The following MED9 variants were observed in gnomAD, a reference collection of about 807,000 sequenced individuals.
MED9 encodes the protein mediator complex subunit 9.
A neutral mutation model predicts 13.2 loss-of-function variants in MED9; 8 were observed. The ratio of observed to expected loss-of-function variants is 0.61; its 90% CI spans 0.36 to 1.10. The LOEUF (loss-of-function observed/expected upper bound fraction) is 1.10. MED9 is among the 50% of genes least tolerant of loss of function. MED9 has a pLI of 0.02. For missense variants in MED9, 180 were observed against 193.4 expected, an observed-to-expected ratio of 0.93 and a Z score of 0.41; for synonymous variants, 87 against 82.8, an observed-to-expected ratio of 1.05 and a Z score of -0.28.
chr17:17,477,074 G>T lies in MED9; in HGVS notation c.33G>T (p.Gln11His). Residue 11 changes from glutamine (Q) to histidine (H), a missense_variant, in exon 1 of 2, where the codon CAG (glutamine) becomes CAT (histidine). Physicochemically the swap from Gln to His is conservative, Grantham distance 24. Transcript: ENST00000268711. MASAGVAAGR[Q>H]AEDVLPPTSD... ...CTGCTGGGGTGGCAGCCGGGCGACA[G>T]GCGGAGGATGTATTGCCGCCAACGT... The T allele has an allele frequency of 6.2e-7, 1 of 1,607,132 alleles. No homozygotes were observed.
chr17:17,491,682 CG>C lies in MED9; in HGVS notation c.*192del. 1.6e-6 allele frequency: 1 copy of C among 610,012 alleles called. No individual in the cohort carries two copies. The highest frequency in any genetic ancestry group is 2.9e-6 in the Non-Finnish European group (1 of 347,062). The allele number at this position is 610,012 out of a possible 1,614,324, so 37.8% of individuals were successfully genotyped here. ...GAGCCAGCGCAGAGCTTGGCTGCGCCGGGGGTTCCTCGTGTAGATCCATATG... is the reference window on the plus strand; with the variant it reads ...GAGCCAGCGCAGAGCTTGGCTGCGCCGGGGTTCCTCGTGTAGATCCATATG... On this transcript the variant is annotated 3_prime_UTR_variant, in exon 2 of 2. Coordinates refer to ENST00000268711, the MANE Select transcript of MED9 (RefSeq NM_018019.3).
Position 17,492,932 on chromosome 17 carries a change from T to C in MED9, c.*1437T>C, listed in dbSNP as rs1308234457. The C allele has an allele frequency of 2.6e-5, 4 of 152,248 alleles. No homozygotes were observed. The East Asian group carries it at 7.7e-4, about 29-fold the overall frequency. The allele number at this position is 152,248 out of a possible 1,614,324, so 9.4% of individuals were successfully genotyped here. On this transcript the variant is annotated 3_prime_UTR_variant, in exon 2 of 2. Coordinates refer to ENST00000268711, the MANE Select transcript of MED9 (RefSeq NM_018019.3). ...AAAGAAGGCTCTGGATTTAAGCGGG[T>C]GGTCACCTGTGAGACCAGGTCTACC...
intron 1 of MED9, chr17:17,486,462 T>A (rs1324311842): frequency 6.5e-6 from 1 of 153,108 alleles, no homozygotes; most frequent in Non-Finnish European, 1.5e-5. Context: ...CGGCCAGCTC[T>A]GCTGGCCCCG....
At chr17:17,484,292 C>T (rs1370629116) in intron 1 of MED9, among the ~76,000 whole-genome samples, 1 of 152,206 alleles carries the variant, frequency 6.6e-6, no homozygotes, top group African/African-American at 2.4e-5. Context: ...TTTACAAGGT[C>T]TAAGGCTGCT....
chr17:17,488,456 A>G (rs776755540), intron 1 of MED9: 9 of 152,238 alleles, frequency 5.9e-5, no homozygotes, highest in Non-Finnish European at 1.2e-4. Context: ...GTCTGGTGAC[A>G]CGGATACAAC....
At chr17:17,490,617 C>A (rs1460709791) in intron 1 of MED9, among the ~76,000 whole-genome samples, 1 of 152,180 alleles carries the variant, frequency 6.6e-6, no homozygotes, top group Non-Finnish European at 1.5e-5. Context: ...TGTCCATGAC[C>A]ATGGTAGAAG....
intron 1 of MED9, chr17:17,485,089 C>G (rs1905103231): frequency 3.3e-6 from 1 of 300,452 alleles, no homozygotes; most frequent in African/African-American, 2.2e-5. Flanking sequence ...ACTGCAATCT[C>G]TGGCTCCCAG....
rs1379016330 is a variant in MED9, at chr17:17,492,917, CTG to C, written c.*1423_*1424del. The stretch of plus-strand genomic sequence containing the variant: ...GTGGCTTTGGACAGAAAAGAAGGCT[CTG>C]GATTTAAGCGGGTGGTCACCTGTGA... On this transcript the variant is annotated 3_prime_UTR_variant, in exon 2 of 2. Transcript: ENST00000268711. 3 of 152,260 alleles carry C rather than the reference CTG, an allele frequency of 2.0e-5. No individual in the cohort carries two copies. Among genetic ancestry groups the C allele is most frequent in the African/African-American group, 7.2e-5 (3 of 41,454 alleles). 9.4% of individuals were successfully genotyped at this position (152,260 alleles called of 1,614,324 possible).
Position 17,477,086 on chromosome 17 carries a change from A to AT in MED9, c.47dup (p.Leu16PhefsTer11), listed in dbSNP as rs765996131. The AT allele has an allele frequency of 1.9e-6, 3 of 1,607,146 alleles. No individual in the cohort carries two copies. On this transcript the variant is annotated frameshift_variant, in exon 1 of 2. Coordinates refer to ENST00000268711, the MANE Select transcript of MED9 (RefSeq NM_018019.3). LOFTEE classifies it high-confidence loss of function. Reference sequence around the variant, plus strand: ...CAGCCGGGCGACAGGCGGAGGATGTATTGCCGCCAACGTCCGACCAGCCGC... The same window carrying AT: ...CAGCCGGGCGACAGGCGGAGGATGTATTTGCCGCCAACGTCCGACCAGCCGC...
intron 1 of MED9, 112 bp from the exon 2 acceptor site, chr17:17,491,167 G>A (rs1201907276): frequency 3.9e-6 from 4 of 1,035,798 alleles, no homozygotes; most frequent in Admixed American, 1.9e-5. Flanking sequence ...CACATAAAAC[G>A]AAGTGTTCTA....
Position 17,477,059 on chromosome 17 carries a change from G to A in MED9, c.18G>A (p.Val6=). 2.5e-6 allele frequency: 4 copies of A among 1,606,446 alleles called. No homozygotes were observed. Among genetic ancestry groups the A allele is most frequent in the Non-Finnish European group, 3.4e-6 (4 of 1,179,686 alleles). The part of the protein sequence containing the change: MASAG[V]AAGRQAEDVL... ...CCGGAGCCATGGCCTCTGCTGGGGT[G>A]GCAGCCGGGCGACAGGCGGAGGATG... Residue 6 remains valine (V), a synonymous_variant, in exon 1 of 2, where the codon GTG becomes GTA. Coordinates refer to ENST00000268711, the MANE Select transcript of MED9 (RefSeq NM_018019.3).
chr17:17,477,498 A>G, intron 1 of MED9: 1 of 527,802 alleles, frequency 1.9e-6, no homozygotes, highest in Non-Finnish European at 3.3e-6. Context: ...GCCAGCTTAG[A>G]GACTAAATGC....
chr17:17,486,827 G>A (rs932177255), intron 1 of MED9: 2 of 153,002 alleles, frequency 1.3e-5, no homozygotes, highest in African/African-American at 4.8e-5. Flanking sequence ...GAGTCTGGTG[G>A]GGACGTGGAG....
chr17:17,491,206 C>T, intron 1 of MED9, 73 bp from the exon 2 acceptor site: 2 of 1,382,840 alleles, frequency 1.4e-6, no homozygotes, highest in East Asian at 2.3e-5. Flanking sequence ...ACAGCCAGCT[C>T]TAGGGGGTGC....
At chr17:17,487,998 C>T (rs1905167345) in intron 1 of MED9, 1 of 152,232 alleles carries the variant, frequency 6.6e-6, no homozygotes, top group Non-Finnish European at 1.5e-5. Flanking sequence ...ATCTCTGGAA[C>T]AAGGGGTTAA....
At chr17:17,491,190 G>T in intron 1 of MED9, 89 bp from the exon 2 acceptor site, 1 of 1,238,510 alleles carries the variant, frequency 8.1e-7, no homozygotes, top group Non-Finnish European at 1.2e-6. Context: ...AGCTATGGCA[G>T]GAATGACAGC....
chr17:17,492,908 A>G lies in MED9; in HGVS notation c.*1413A>G, dbSNP rs1439444751. On this transcript the variant is annotated 3_prime_UTR_variant, in exon 2 of 2. Transcript: ENST00000268711. ...CAAATTTCAGTGGCTTTGGACAGAA[A>G]AGAAGGCTCTGGATTTAAGCGGGTG... 1 of 152,272 alleles carries G rather than the reference A, an allele frequency of 6.6e-6. No homozygotes were observed. Among genetic ancestry groups the G allele is most frequent in the Non-Finnish European group, 1.5e-5 (1 of 68,060 alleles). The allele number at this position is 152,272 out of a possible 1,614,324, so 9.4% of individuals were successfully genotyped here.
rs1283741553 is a variant in MED9, at chr17:17,477,014, G to C, written c.-28G>C. 1 of 1,602,056 alleles carries C rather than the reference G, an allele frequency of 6.2e-7. No individual in the cohort carries two copies. The highest frequency in any genetic ancestry group is 8.5e-7 in the Non-Finnish European group (1 of 1,179,388). ...GAGTGCGCGACGCTTTTGGCGACCC[G>C]ACCTCTGGCTAACCTACCCCCGGAG... On this transcript the variant is annotated 5_prime_UTR_variant, in exon 1 of 2. Transcript: ENST00000268711.
chr17:17,487,184 G>T (rs963663774), intron 1 of MED9: 7 of 152,270 alleles, frequency 4.6e-5, no homozygotes, highest in African/African-American at 1.7e-4. Flanking sequence ...ATCTAGCTCA[G>T]GGATTGTAAA....
Sources: allele counts gnomAD v4.1 joint callset (sites outside exome capture counted in the v4.1 genomes callset), GRCh38; gene constraint gnomAD v4.1.1; transcripts MANE v1.5; gene names NCBI Gene and HGNC (gene_info 2026-07-23, HGNC 2026-07-21).